APBB2: variants seen among roughly 807,000 people sequenced by gnomAD.
APBB2 encodes the protein amyloid beta precursor protein binding family B member 2.
APBB2 carries 38 observed loss-of-function variants against 82.5 expected under a neutral mutation model. The observed-to-expected ratio is 0.46, with a 90% CI of 0.36 to 0.60. The LOEUF is 0.60. APBB2 is among the 20% of genes least tolerant of loss of function. APBB2 has a pLI of 0.00. For synonymous variants in APBB2, 341 were observed against 368.2 expected (o/e 0.93, Z 0.85); for missense variants, 772 against 972.3 (o/e 0.79, Z 2.74).
chr4:41,110,186 G>A (rs1221754712), intron 2 of APBB2, among the ~76,000 whole-genome samples: 4 of 152,218 alleles, frequency 2.6e-5, no homozygotes, highest in East Asian at 3.9e-4. Flanking sequence ...CATGCAAGCC[G>A]GAATGCAAGG....
At chr4:40,949,162 C>T (rs4370173) in intron 6 of APBB2, among the ~76,000 whole-genome samples, 57,547 of 151,636 alleles carry the variant, frequency 0.38, 11,584 homozygotes, top group Non-Finnish European at 0.46. Flanking sequence ...CCCAGCTACT[C>T]GGGAGGCTGA....
intron 12 of APBB2, among the ~76,000 whole-genome samples, chr4:40,839,098 G>T (rs1315299026): frequency 6.6e-6 from 1 of 151,788 alleles, no homozygotes; most frequent in African/African-American, 2.4e-5. Context: ...ATTATTTTGA[G>T]ACAGGGTCTC....
At chr4:41,091,245 G>A (rs997551595) in intron 3 of APBB2, among the ~76,000 whole-genome samples, 4 of 152,158 alleles carry the variant, frequency 2.6e-5, no homozygotes, top group Admixed American at 2.6e-4. Context: ...TAGTCCTTGC[G>A]AGGTAATTGT....
At chr4:40,835,270 C>T (rs541826936) in intron 12 of APBB2, among the ~76,000 whole-genome samples, 93 of 132,886 alleles carry the variant, frequency 7.0e-4, no homozygotes, top group African/African-American at 2.6e-3. Context: ...AGCAAGATTC[C>T]GTCTAAAAAA....
intron 6 of APBB2, among the ~76,000 whole-genome samples, chr4:40,977,389 T>TCCAATCCCA (rs1446803582): frequency 3.3e-5 from 5 of 151,350 alleles, no homozygotes; most frequent in Non-Finnish European, 7.4e-5. Flanking sequence ...CTCAGCTCAC[T>TCCAATCCCA]GCAATCTCCA....
intron 1 of APBB2, among the ~76,000 whole-genome samples, chr4:41,152,866 T>C (rs1422231364): frequency 2.0e-5 from 3 of 152,230 alleles, no homozygotes; most frequent in Admixed American, 2.0e-4. Context: ...CAGGCTCTTA[T>C]ACCTTGCCAC....
At chr4:41,172,698 C>CACAGT (rs1453913160) in intron 1 of APBB2, among the ~76,000 whole-genome samples, 1 of 152,240 alleles carries the variant, frequency 6.6e-6, no homozygotes, top group Non-Finnish European at 1.5e-5. Context: ...ATAGTATGGA[C>CACAGT]ACAGTAAGCA....
chr4:41,041,123 C>A (rs545506782), intron 4 of APBB2, among the ~76,000 whole-genome samples: 7 of 152,068 alleles, frequency 4.6e-5, no homozygotes, highest in Non-Finnish European at 1.0e-4. Context: ...CTTGTGATTC[C>A]CCCACCTTGG....
chr4:40,961,245 A>C (rs1242138817), intron 6 of APBB2, among the ~76,000 whole-genome samples: 1 of 152,104 alleles, frequency 6.6e-6, no homozygotes, highest in East Asian at 1.9e-4. Flanking sequence ...CACAGCAAAA[A>C]ACTAAATTCC....
At chr4:40,845,540 G>A (rs1456081520) in intron 12 of APBB2, among the ~76,000 whole-genome samples, 1 of 116,476 alleles carries the variant, frequency 8.6e-6, no homozygotes, top group Admixed American at 1.2e-4. Flanking sequence ...TGAAATAACA[G>A]AAGTACCTGG....
chr4:40,868,782 G>A (rs1178383576), intron 12 of APBB2, among the ~76,000 whole-genome samples: 1 of 152,098 alleles, frequency 6.6e-6, no homozygotes, highest in Non-Finnish European at 1.5e-5. Flanking sequence ...GTTGAGATTG[G>A]ACCAAATTGG....
intron 5 of APBB2, among the ~76,000 whole-genome samples, chr4:41,019,559 C>T (rs1003090734): frequency 6.6e-6 from 1 of 152,012 alleles, no homozygotes; most frequent in African/African-American, 2.4e-5. Flanking sequence ...AGGGAGACAA[C>T]GTTCAGAAAT....
intron 1 of APBB2, among the ~76,000 whole-genome samples, chr4:41,144,181 CTG>C (rs1406884829): frequency 6.6e-6 from 1 of 152,210 alleles, no homozygotes; most frequent in African/African-American, 2.4e-5. Flanking sequence ...TTTTCAGATA[CTG>C]GGTCCACAGT....
At position 40,836,896 on chromosome 4, in the gene APBB2, A is replaced by C. The variant is rs186347323; in HGVS notation, c.1530-6319T>G. Among the ~76,000 whole-genome samples the C allele has an allele frequency of 2.7e-3, 405 of 152,312 alleles. 2 individuals carry two copies. Among genetic ancestry groups the C allele is most frequent in the African/African-American group, 9.2e-3 (383 of 41,564 alleles). The stretch of plus-strand genomic sequence containing the variant: ...TTTCCAAACACACATAAAAATTGAG[A>C]AGATAGTAAACAAACTCTATATCCC... On this transcript the variant is annotated intron_variant, in intron 12 of 17. Coordinates refer to ENST00000508593, the MANE Select transcript of APBB2 (RefSeq NM_004307.2).
intron 15 of APBB2, 82 bp from the exon 16 acceptor site, chr4:40,823,841 T>G (rs1041576619): frequency 1.2e-6 from 1 of 836,958 alleles, no homozygotes; most frequent in East Asian, 2.4e-5. Context: ...CAATAACAGC[T>G]ACGCCCAGAC....
chr4:41,161,060 C>T (rs1765012574), intron 1 of APBB2, among the ~76,000 whole-genome samples: 1 of 150,688 alleles, frequency 6.6e-6, no homozygotes, highest in African/African-American at 2.4e-5. Flanking sequence ...GGGGATAAGA[C>T]TACCCCAGCT....
intron 10 of APBB2, among the ~76,000 whole-genome samples, chr4:40,898,840 G>T (rs1774435540): frequency 8.7e-6 from 1 of 115,422 alleles, no homozygotes; most frequent in Admixed American, 1.0e-4. Context: ...AAAGAAAAAA[G>T]AAACACACAC....
At chr4:41,008,770 G>A (rs1807505830) in intron 6 of APBB2, among the ~76,000 whole-genome samples, 1 of 152,188 alleles carries the variant, frequency 6.6e-6, no homozygotes, top group Non-Finnish European at 1.5e-5. Context: ...TTTTATAGAT[G>A]AGAGGCTATG....
At chr4:40,919,364 T>C (rs10938446) in intron 10 of APBB2, among the ~76,000 whole-genome samples, 4,947 of 152,262 alleles carry the variant, frequency 0.032, 225 homozygotes, top group African/African-American at 0.11. Flanking sequence ...ATCTGGAAGT[T>C]ACGTGAAAAC....
Sources: gnomAD v4.1 joint callset for allele counts (sites outside exome capture counted in the v4.1 genomes callset) on GRCh38, gnomAD v4.1.1 for gene constraint, MANE v1.5 for transcripts, NCBI Gene and HGNC (gene_info 2026-07-23, HGNC 2026-07-21) for gene names.